Variants in FAM174B observed in about 807,000 individuals in gnomAD.
The protein encoded by FAM174B is membrane protein FAM174B.
In FAM174B, 12 loss-of-function variants were observed where a neutral mutation model predicts 10.9. That is an observed-to-expected ratio of 1.10 (90% confidence interval 0.71 to 1.79). The LOEUF (loss-of-function observed/expected upper bound fraction) is 1.79, where lower values mean the gene tolerates loss of function less well. Among genes scored for constraint, FAM174B ranks in the 40% most tolerant of loss-of-function variants. FAM174B has a pLI of 0.00. For missense variants in FAM174B, 266 were observed against 233.3 expected, an observed-to-expected ratio of 1.14 and a Z score of -0.91; for synonymous variants, 132 against 115.8, an observed-to-expected ratio of 1.14 and a Z score of -0.90.
At chr15:92,642,100 TA>T (rs1221610944) in intron 1 of FAM174B, among the ~76,000 whole-genome samples, 1 of 152,172 alleles carries the variant, frequency 6.6e-6, no homozygotes, top group African/African-American at 2.4e-5. Context: ...CATTGCAAAT[TA>T]AACACACAAC....
intron 1 of FAM174B, among the ~76,000 whole-genome samples, chr15:92,649,707 CTG>C (rs889319501): frequency 2.0e-5 from 3 of 152,238 alleles, no homozygotes; most frequent in Admixed American, 2.0e-4. Flanking sequence ...TCTCTCAACT[CTG>C]GCACCCTTGA....
rs2050812310 is a variant in FAM174B, at chr15:92,631,380, ATTATATATTATATATTATATTATATT to A, written c.345-1061_345-1036del. On this transcript the variant is annotated intron_variant, in intron 1 of 2. Transcript: ENST00000327355. ...TTATATATTATATTATATATAATAT[ATTATATATTATATATTATATTATATT>A]ATATATAATATATAATATATAATAT... 6.8e-4 allele frequency among the ~76,000 whole-genome samples: 26 copies of A among 38,414 alleles called. 1 individual carries two copies. The highest frequency in any genetic ancestry group is 1.0e-3 in the African/African-American group (7 of 6,894). 25.2% of individuals were successfully genotyped at this position (38,414 alleles called of 152,430 possible). A position where few individuals can be genotyped will look rare whatever the true frequency, so the allele number is the denominator to read the frequency against.
chr15:92,644,393 G>A (rs1205920375), intron 1 of FAM174B, among the ~76,000 whole-genome samples: 1 of 152,100 alleles, frequency 6.6e-6, no homozygotes, highest in Admixed American at 6.5e-5. Context: ...CTCCACTGCA[G>A]ATGGGCCACT....
intron 1 of FAM174B, among the ~76,000 whole-genome samples, chr15:92,640,631 A>ATTTTGGTTTTTGTT (rs893530032): frequency 6.7e-6 from 1 of 148,790 alleles, no homozygotes; most frequent in Non-Finnish European, 1.5e-5. Flanking sequence ...CTCATCATAA[A>ATTTTGGTTTTTGTT]TTTTGGTTTT....
At position 92,619,346 on chromosome 15, in the gene FAM174B, T is replaced by C; in HGVS notation, c.*110A>G. 7.7e-7 allele frequency: 1 copy of C among 1,293,096 alleles called. No individual in the cohort carries two copies. The highest frequency in any genetic ancestry group is 1.1e-6 in the Non-Finnish European group (1 of 892,714). The allele number at this position is 1,293,096 out of a possible 1,614,324, so 80.1% of individuals were successfully genotyped here. On this transcript the variant is annotated 3_prime_UTR_variant, in exon 3 of 3. Transcript: ENST00000327355. ...GCTGGGGTTTTATACATAACGTTCG[T>C]TTTGGTTTCAACACCTCCGACGCAA...
At chr15:92,621,515 G>C (rs2050719174) in intron 2 of FAM174B, among the ~76,000 whole-genome samples, 1 of 151,714 alleles carries the variant, frequency 6.6e-6, no homozygotes, top group African/African-American at 2.4e-5. Context: ...AAGAGGCTGA[G>C]TGAGATGATC....
In FAM174B at chr15:92,630,777, A is replaced by T. The variant is rs2050789103; in HGVS notation, c.345-432T>A. Among the ~76,000 whole-genome samples the T allele has an allele frequency of 1.9e-5, 2 of 108,060 alleles. 1 individual carries two copies. The highest frequency in any genetic ancestry group is 2.1e-4 in the Admixed American group (2 of 9,572). The allele number at this position is 108,060 out of a possible 152,430, so 70.9% of individuals were successfully genotyped here. A position where few individuals can be genotyped will look rare whatever the true frequency, so the allele number is the denominator to read the frequency against. On this transcript the variant is annotated intron_variant, in intron 1 of 2. Coordinates refer to ENST00000327355, the MANE Select transcript of FAM174B (RefSeq NM_207446.3). ...ATATAATAATATATAATAATAATAT[A>T]TTTTATATATTACATATTACATATT... is the stretch of plus-strand genomic sequence containing the variant.
intron 2 of FAM174B, among the ~76,000 whole-genome samples, chr15:92,622,654 C>T (rs1438743014): frequency 1.3e-5 from 2 of 152,266 alleles, no homozygotes; most frequent in Non-Finnish European, 2.9e-5. Context: ...GATCCCTATG[C>T]TGGCTTAAAC....
At chr15:92,652,342 C>T (rs900052046) in intron 1 of FAM174B, among the ~76,000 whole-genome samples, 2 of 152,174 alleles carry the variant, frequency 1.3e-5, no homozygotes, top group African/African-American at 2.4e-5. Context: ...GAACTGACCA[C>T]GCAGTCTTAG....
intron 1 of FAM174B, among the ~76,000 whole-genome samples, chr15:92,636,728 G>A (rs546192066): frequency 2.6e-5 from 4 of 152,302 alleles, no homozygotes; most frequent in African/African-American, 9.6e-5. Flanking sequence ...GGGTGCTCCA[G>A]CTGAGACCTC....
chr15:92,652,827 C>A (rs746335314), intron 1 of FAM174B, among the ~76,000 whole-genome samples: 2 of 151,984 alleles, frequency 1.3e-5, no homozygotes, highest in African/African-American at 2.4e-5. Flanking sequence ...GGAAGGAGGG[C>A]CCCCAGCCAG....
At chr15:92,641,247 ACTCT>A in intron 1 of FAM174B, among the ~76,000 whole-genome samples, 1 of 152,254 alleles carries the variant, frequency 6.6e-6, no homozygotes, top group East Asian at 1.9e-4. Context: ...GTACAGAAAC[ACTCT>A]CTCATTACTT....
chr15:92,619,498 C>G (rs200241587), intron 2 of FAM174B, 39 bp from the exon 3 acceptor site: 1 of 1,606,306 alleles, frequency 6.2e-7, no homozygotes, highest in Non-Finnish European at 8.5e-7. Flanking sequence ...CCCCTTCTGG[C>G]AGAGCCTCGC....
At chr15:92,643,720 C>G (rs2141961768) in intron 1 of FAM174B, among the ~76,000 whole-genome samples, 1 of 152,228 alleles carries the variant, frequency 6.6e-6, no homozygotes, top group Non-Finnish European at 1.5e-5. Context: ...GACTTCAGAA[C>G]CCAAACTCAG....
intron 1 of FAM174B, among the ~76,000 whole-genome samples, chr15:92,640,426 C>A (rs2050883028): frequency 6.6e-6 from 1 of 151,682 alleles, no homozygotes; most frequent in African/African-American, 2.4e-5. Flanking sequence ...GTGGTGGGCA[C>A]CTGTCATCCC....
intron 2 of FAM174B, among the ~76,000 whole-genome samples, chr15:92,627,969 C>CCT (rs2050764731): frequency 6.6e-6 from 1 of 152,144 alleles, no homozygotes; most frequent in African/African-American, 2.4e-5. Flanking sequence ...TCCAAGACCT[C>CCT]CTGCAAAGAC....
intron 1 of FAM174B, among the ~76,000 whole-genome samples, chr15:92,652,488 G>C (rs2050972826): frequency 6.6e-6 from 1 of 152,174 alleles, no homozygotes; most frequent in African/African-American, 2.4e-5. Flanking sequence ...TCAGGAGGGA[G>C]GCAGCACCCT....
intron 1 of FAM174B, among the ~76,000 whole-genome samples, chr15:92,641,069 C>CAT (rs2050888662): frequency 6.6e-6 from 1 of 151,954 alleles, no homozygotes; most frequent in African/African-American, 2.4e-5. Flanking sequence ...AGTTCACACA[C>CAT]ACACACACAC....
At chr15:92,640,673 C>G (rs1352714273) in intron 1 of FAM174B, among the ~76,000 whole-genome samples, 1 of 149,764 alleles carries the variant, frequency 6.7e-6, no homozygotes, top group Non-Finnish European at 1.5e-5. Context: ...TTTTAAGACA[C>G]AGTCTCACTC....
Sources: allele counts gnomAD v4.1 joint callset (sites outside exome capture counted in the v4.1 genomes callset), GRCh38; gene constraint gnomAD v4.1.1; transcripts MANE v1.5; gene names NCBI Gene and HGNC (gene_info 2026-07-23, HGNC 2026-07-21).